FSIP1: variants seen among roughly 807,000 people sequenced by gnomAD.
The protein encoded by FSIP1 is fibrous sheath interacting protein 1.
A neutral mutation model predicts 60.9 loss-of-function variants in FSIP1; 65 were observed. The ratio of observed to expected loss-of-function variants is 1.07; its 90% CI spans 0.87 to 1.31. FSIP1 has a LOEUF of 1.31. Ranked by LOEUF, FSIP1 falls within the 40% of genes most tolerant of loss-of-function variation. The pLI is 0.00. For missense variants in FSIP1, 675 were observed against 665.5 expected (o/e 1.01, Z -0.16); for synonymous variants, 209 against 221.2 (o/e 0.94, Z 0.49).
At chr15:39,766,212 A>C (rs2576932) in intron 3 of FSIP1, among the ~76,000 whole-genome samples, 2 of 152,094 alleles carry the variant, frequency 1.3e-5, no homozygotes, top group South Asian at 4.1e-4. Flanking sequence ...TCAGTGACAC[A>C]AAGTGGTTGC....
At chr15:39,742,452 T>C (rs915357919) in intron 5 of FSIP1, among the ~76,000 whole-genome samples, 2 of 152,214 alleles carry the variant, frequency 1.3e-5, no homozygotes, top group Non-Finnish European at 2.9e-5. Flanking sequence ...AACTTAACTT[T>C]GTTTCAGTGT....
At chr15:39,766,172 C>G (rs1420240329) in intron 3 of FSIP1, among the ~76,000 whole-genome samples, 1 of 152,186 alleles carries the variant, frequency 6.6e-6, no homozygotes, top group Non-Finnish European at 1.5e-5. Context: ...GGCGTGTACA[C>G]AAATGGCTAC....
intron 11 of FSIP1, among the ~76,000 whole-genome samples, 194 bp from the exon 12 acceptor site, chr15:39,601,120 C>T (rs1338144293): frequency 6.6e-6 from 1 of 152,200 alleles, no homozygotes; most frequent in Non-Finnish European, 1.5e-5. Context: ...ATCAGGGCGC[C>T]TACTCTCATT....
intron 5 of FSIP1, among the ~76,000 whole-genome samples, chr15:39,748,966 A>C (rs1279147480): frequency 6.6e-6 from 1 of 152,040 alleles, no homozygotes; most frequent in Non-Finnish European, 1.5e-5. Flanking sequence ...AAATGAAAAC[A>C]AAGAAATTAC....
chr15:39,776,199 A>G (rs2140733888), intron 2 of FSIP1, among the ~76,000 whole-genome samples, 200 bp downstream of exon 2: 1 of 36,988 alleles, frequency 2.7e-5, no homozygotes. Flanking sequence ...GAGGAGAGAG[A>G]GGGAGGGAGG....
chr15:39,701,860 G>A (rs1895073068), intron 10 of FSIP1, among the ~76,000 whole-genome samples: 1 of 152,072 alleles, frequency 6.6e-6, no homozygotes, highest in Admixed American at 6.5e-5. Flanking sequence ...TGGATTCAAG[G>A]CCCTTCAGTT....
chr15:39,668,399 T>C (rs563076917), intron 10 of FSIP1, among the ~76,000 whole-genome samples: 1 of 152,288 alleles, frequency 6.6e-6, no homozygotes, highest in African/African-American at 2.4e-5. Flanking sequence ...TATCTTAATA[T>C]GTCGACACTA....
chr15:39,657,611 C>T (rs1385388700), intron 10 of FSIP1, among the ~76,000 whole-genome samples: 1 of 152,114 alleles, frequency 6.6e-6, no homozygotes, highest in African/African-American at 2.4e-5. Context: ...AATGTTACCC[C>T]ACCATTCCTC....
intron 5 of FSIP1, among the ~76,000 whole-genome samples, chr15:39,744,707 A>G (rs1462138886): frequency 6.6e-6 from 1 of 151,572 alleles, no homozygotes; most frequent in Non-Finnish European, 1.5e-5. Flanking sequence ...GCATGCTTAC[A>G]GGGAGACAGA....
chr15:39,732,020 G>C (rs1312029403), intron 8 of FSIP1, among the ~76,000 whole-genome samples: 2 of 152,302 alleles, frequency 1.3e-5, no homozygotes, highest in Middle Eastern at 3.4e-3. Context: ...TCCATGGACT[G>C]GGGGGAATGG....
At chr15:39,723,576 C>T (rs1896070281) in intron 9 of FSIP1, among the ~76,000 whole-genome samples, 1 of 152,206 alleles carries the variant, frequency 6.6e-6, no homozygotes, top group Non-Finnish European at 1.5e-5. Flanking sequence ...CCTGATTCAT[C>T]TTTAAGTTCT....
intron 10 of FSIP1, among the ~76,000 whole-genome samples, chr15:39,674,754 T>A (rs1893870953): frequency 6.6e-6 from 1 of 151,268 alleles, no homozygotes; most frequent in Non-Finnish European, 1.5e-5. Context: ...AAATATGTTT[T>A]AAGGACTTCT....
chr15:39,713,572 G>A lies in FSIP1; in HGVS notation c.1060C>T (p.Arg354Cys), dbSNP rs762528385. The A allele has an allele frequency of 1.6e-5, 25 of 1,582,894 alleles. 1 individual carries two copies. In the South Asian group the frequency reaches 2.1e-4, roughly 13 times the overall value. ...ACTTCCATATTTCTTTCACCATCACGGTCAGGTTTCTAATTTAAAGAAAAA... is the reference window on the plus strand; with the variant it reads ...ACTTCCATATTTCTTTCACCATCACAGTCAGGTTTCTAATTTAAAGAAAAA... ...LENRNNQKPD[R>C]DGERNMEVTP... The change falls in exon 10 of 12, where the codon CGT becomes TGT. Residue 354 changes from arginine to cysteine, a missense_variant. Coordinates refer to ENST00000350221, the MANE Select transcript of FSIP1 (RefSeq NM_152597.5).
At chr15:39,646,464 G>T in intron 10 of FSIP1, among the ~76,000 whole-genome samples, 1 of 137,126 alleles carries the variant, frequency 7.3e-6, no homozygotes, top group East Asian at 2.2e-4. Flanking sequence ...CAGGAGGATT[G>T]CTTGAGGCCA....
At chr15:39,706,269 C>A (rs529066021) in intron 10 of FSIP1, among the ~76,000 whole-genome samples, 1 of 152,122 alleles carries the variant, frequency 6.6e-6, no homozygotes, top group South Asian at 2.1e-4. Flanking sequence ...ATTTATTGAC[C>A]AATTGTTTTC....
At chr15:39,674,300 C>T (rs966979145) in intron 10 of FSIP1, among the ~76,000 whole-genome samples, 3 of 152,102 alleles carry the variant, frequency 2.0e-5, no homozygotes, top group South Asian at 4.1e-4. Context: ...GTGATCCGCC[C>T]GCCTCGGCCT....
intron 10 of FSIP1, among the ~76,000 whole-genome samples, chr15:39,668,149 A>G (rs1595592828): frequency 1.3e-5 from 2 of 151,488 alleles, no homozygotes; most frequent in East Asian, 3.9e-4. Context: ...GTTTTTAATG[A>G]TCTCAGATAC....
At chr15:39,776,277 G>A (rs538694765) in intron 2 of FSIP1, 122 bp downstream of exon 2, 7 of 809,338 alleles carry the variant, frequency 8.6e-6, no homozygotes, top group Non-Finnish European at 3.8e-6. Flanking sequence ...AAATCTGCAA[G>A]TGCTCCCCAA....
At chr15:39,721,889 G>A (rs1306990848) in intron 9 of FSIP1, among the ~76,000 whole-genome samples, 4 of 152,114 alleles carry the variant, frequency 2.6e-5, no homozygotes, top group Non-Finnish European at 5.9e-5. Flanking sequence ...TTTAAATGTT[G>A]GCTAAAAAAA....
Sources: gnomAD v4.1 joint callset for allele counts (sites outside exome capture counted in the v4.1 genomes callset) on GRCh38, gnomAD v4.1.1 for gene constraint, MANE v1.5 for transcripts, NCBI Gene and HGNC (gene_info 2026-07-23, HGNC 2026-07-21) for gene names.